Variants in UBP1 observed in about 807,000 individuals in gnomAD.
UBP1 encodes upstream binding protein 1.
In UBP1, 22 loss-of-function variants were observed where a neutral mutation model predicts 76.1. The ratio of observed to expected loss-of-function variants is 0.29; its 90% CI spans 0.21 to 0.41. The LOEUF is 0.41. Among genes scored for constraint, UBP1 ranks in the 10% least tolerant of loss-of-function variants. The pLI is 1.00. For synonymous variants in UBP1, 224 were observed against 237.1 expected (o/e 0.94, Z 0.51); for missense variants, 436 against 668.1 (o/e 0.65, Z 3.83).
chr3:33,397,440 G>A (rs1029092743), intron 11 of UBP1: 1 of 191,550 alleles, frequency 5.2e-6, no homozygotes, highest in Admixed American at 6.1e-5. Flanking sequence ...ACCTTATTTA[G>A]TGACTGGGTT....
At chr3:33,411,825 C>T in intron 4 of UBP1, 138 bp from the exon 5 acceptor site, 2 of 673,372 alleles carry the variant, frequency 3.0e-6, no homozygotes, top group South Asian at 1.9e-5. Flanking sequence ...TGATCAACTT[C>T]TTCAACATCG....
chr3:33,432,354 T>A (rs1025421130), intron 1 of UBP1, among the ~76,000 whole-genome samples: 1 of 152,192 alleles, frequency 6.6e-6, no homozygotes, highest in African/African-American at 2.4e-5. Flanking sequence ...CAAAGTTTTT[T>A]AATTTAAAAA....
In UBP1 at chr3:33,409,434, G is replaced by C; in HGVS notation, c.708+15C>G. On this transcript the variant is annotated intron_variant, in intron 6 of 15. Coordinates refer to ENST00000283629, the MANE Select transcript of UBP1 (RefSeq NM_014517.5). ...CTGAGCCTTAATTACAGAAAACCCG[G>C]GTTCTCTGTCTTACCTTAAAAACTT... 1.2e-6 allele frequency: 2 copies of C among 1,613,982 alleles called. No homozygotes were observed. The highest frequency in any genetic ancestry group is 1.7e-6 in the Non-Finnish European group (2 of 1,179,954).
chr3:33,429,509 T>C (rs2045078489), intron 1 of UBP1, among the ~76,000 whole-genome samples: 2 of 152,180 alleles, frequency 1.3e-5, no homozygotes, highest in South Asian at 2.1e-4. Flanking sequence ...TTTGTATTTT[T>C]AGTAGAGTGG....
chr3:33,393,435 C>T lies in UBP1; in HGVS notation c.1410G>A (p.Leu470=). Reference sequence around the variant, plus strand: ...CAACTTCTGAGGCAATCATTTCTTCCAAGTAGATTGCATGATAAACTGAAA... The same window carrying T: ...CAACTTCTGAGGCAATCATTTCTTCTAAGTAGATTGCATGATAAACTGAAA... The part of the protein sequence containing the change: ...GAPYVYHAIY[L]EEMIASEVAR... Residue 470 remains leucine (L), a synonymous_variant, in exon 14 of 16, where the codon TTG becomes TTA. Coordinates refer to ENST00000283629, the MANE Select transcript of UBP1 (RefSeq NM_014517.5). 6.2e-7 allele frequency: 1 copy of T among 1,604,076 alleles called. No individual in the cohort carries two copies. The highest frequency in any genetic ancestry group is 8.5e-7 in the Non-Finnish European group (1 of 1,176,892).
chr3:33,408,805 A>G lies in UBP1; in HGVS notation c.820-8T>C. On this transcript the variant is annotated splice_polypyrimidine_tract_variant and splice_region_variant and intron_variant, in intron 7 of 15. Transcript: ENST00000283629. Reference sequence around the variant, plus strand: ...TATAGGCTCAAGCCTCATCTGGACAAACACCAAAGATTGGGATCAATGTCT... The same window carrying G: ...TATAGGCTCAAGCCTCATCTGGACAGACACCAAAGATTGGGATCAATGTCT... 6.2e-7 allele frequency: 1 copy of G among 1,609,502 alleles called. No homozygotes were observed. Among genetic ancestry groups the G allele is most frequent in the Non-Finnish European group, 8.5e-7 (1 of 1,176,312 alleles).
At chr3:33,417,617 C>T (rs1466841417) in intron 2 of UBP1, among the ~76,000 whole-genome samples, 4 of 152,118 alleles carry the variant, frequency 2.6e-5, no homozygotes, top group Admixed American at 6.5e-5. Context: ...CAGATATTCA[C>T]ACATCAATCT....
At chr3:33,404,029 TAGCCCAGGATAGCTTG>T (rs1284468471) in intron 8 of UBP1, among the ~76,000 whole-genome samples, 1 of 148,358 alleles carries the variant, frequency 6.7e-6, no homozygotes, top group Non-Finnish European at 1.5e-5. Flanking sequence ...TAGCCCAGGA[TAGCCCAGGATAGCTTG>T]AGCCCAGGAG....
chr3:33,423,189 G>A (rs1349410094), intron 2 of UBP1, among the ~76,000 whole-genome samples: 1 of 151,956 alleles, frequency 6.6e-6, no homozygotes, highest in Non-Finnish European at 1.5e-5. Context: ...ACAGGTGTGT[G>A]CCACCATGCC....
At chr3:33,412,859 T>C (rs752483697) in intron 3 of UBP1, 32 bp from the exon 4 acceptor site, 7 of 1,428,206 alleles carry the variant, frequency 4.9e-6, no homozygotes, top group Non-Finnish European at 4.9e-6. Flanking sequence ...TGAGTACTTT[T>C]AAACTGCTCC....
chr3:33,416,623 G>T, intron 3 of UBP1, 135 bp downstream of exon 3: 1 of 638,880 alleles, frequency 1.6e-6, no homozygotes, highest in Non-Finnish European at 2.6e-6. Flanking sequence ...TTTTACAGGT[G>T]AATAAACAAA....
At chr3:33,437,753 A>G (rs2045225347) in intron 1 of UBP1, among the ~76,000 whole-genome samples, 1 of 152,236 alleles carries the variant, frequency 6.6e-6, no homozygotes, top group African/African-American at 2.4e-5. Flanking sequence ...TCAGGGCTCC[A>G]GGGCCAGGCA....
In UBP1 at chr3:33,397,080, G is replaced by A. The variant is rs753801762; in HGVS notation, c.1236C>T (p.Ala412=). The change falls in exon 12 of 16, where the codon GCC becomes GCT. Residue 412 remains alanine (A), a synonymous_variant. Coordinates refer to ENST00000283629, the MANE Select transcript of UBP1 (RefSeq NM_014517.5). The part of the protein sequence containing the change: ...KEDLVQICGA[A]DGIRLYNSLK... The stretch of plus-strand genomic sequence containing the variant: ...GTGAATTATAGAGCCGAATTCCATC[G>A]GCTGCACCACAAATTTGAACTAAAT... 1.2e-5 allele frequency: 19 copies of A among 1,602,946 alleles called. No individual in the cohort carries two copies. The highest frequency in any genetic ancestry group is 4.0e-5 in the African/African-American group (3 of 74,360).
At chr3:33,425,354 G>A (rs2044993956) in intron 2 of UBP1, among the ~76,000 whole-genome samples, 1 of 152,096 alleles carries the variant, frequency 6.6e-6, no homozygotes, top group Non-Finnish European at 1.5e-5. Context: ...TTTGGATTAT[G>A]TCTTAAAAAT....
upstream of UBP1, chr3:33,440,946 T>G (rs2045292522): frequency 6.6e-6 from 1 of 152,258 alleles, no homozygotes. Context: ...AAGCCAGTTG[T>G]GCAGAAAACC....
chr3:33,418,251 T>TTTTA (rs1362414070), intron 2 of UBP1, among the ~76,000 whole-genome samples: 6 of 152,108 alleles, frequency 3.9e-5, no homozygotes, highest in South Asian at 2.1e-4. Context: ...AAACATTAAT[T>TTTTA]TTTATTTATT....
intron 9 of UBP1, 59 bp downstream of exon 9, chr3:33,402,742 G>A: frequency 8.0e-7 from 1 of 1,250,740 alleles, no homozygotes; most frequent in Admixed American, 3.2e-5. Flanking sequence ...GAGAGATGGG[G>A]AAATGAAGGC....
intron 9 of UBP1, 28 bp downstream of exon 9, chr3:33,402,773 C>G: frequency 6.8e-7 from 1 of 1,463,604 alleles, no homozygotes; most frequent in Non-Finnish European, 9.1e-7. Context: ...TAGTTAGCTG[C>G]AGGCACACGA....
chr3:33,410,241 A>T (rs1426832388), intron 5 of UBP1, among the ~76,000 whole-genome samples: 1 of 152,202 alleles, frequency 6.6e-6, no homozygotes, highest in Non-Finnish European at 1.5e-5. Flanking sequence ...ACCCTGGATG[A>T]CAGCCTTAGG....
Sources: allele counts gnomAD v4.1 joint callset (sites outside exome capture counted in the v4.1 genomes callset), GRCh38; gene constraint gnomAD v4.1.1; transcripts MANE v1.5; gene names NCBI Gene and HGNC (gene_info 2026-07-23, HGNC 2026-07-21).